Variants in PRKCH observed in about 807,000 individuals in gnomAD.
PRKCH encodes protein kinase C eta, also known as protein kinase C eta type.
Under a neutral mutation model 82.5 loss-of-function variants are expected in PRKCH, and 28 were observed. The ratio of observed to expected loss-of-function variants is 0.34; its 90% CI spans 0.25 to 0.47. The LOEUF is 0.47. PRKCH is among the 20% of genes least tolerant of loss of function. PRKCH has a pLI of 1.00. For synonymous variants in PRKCH, 322 were observed against 327.4 expected (o/e 0.98, Z 0.18); for missense variants, 705 against 881.8 (o/e 0.80, Z 2.54).
chr14:61,431,550 C>T (rs1883398023), intron 2 of PRKCH, among the ~76,000 whole-genome samples: 1 of 152,016 alleles, frequency 6.6e-6, no homozygotes, highest in South Asian at 2.1e-4. Flanking sequence ...TGCTGCAGAC[C>T]CATATGGATT....
At chr14:61,513,596 C>T (rs2042778915) in intron 10 of PRKCH, among the ~76,000 whole-genome samples, 2 of 152,020 alleles carry the variant, frequency 1.3e-5, no homozygotes, top group Non-Finnish European at 1.5e-5. Flanking sequence ...AGGACCAATA[C>T]TTTTTATAAA....
chr14:61,453,582 T>C (rs1345364984), intron 7 of PRKCH, among the ~76,000 whole-genome samples: 2 of 150,924 alleles, frequency 1.3e-5, no homozygotes, highest in East Asian at 3.9e-4. Context: ...CTTTTTTTTC[T>C]CTCTCTCTCC....
At chr14:61,393,154 A>G (rs1332931627) in intron 2 of PRKCH, among the ~76,000 whole-genome samples, 1 of 152,072 alleles carries the variant, frequency 6.6e-6, no homozygotes, top group Non-Finnish European at 1.5e-5. Flanking sequence ...ACACTGTCTC[A>G]TTACTGTTGC....
intron 1 of PRKCH, among the ~76,000 whole-genome samples, chr14:61,253,112 A>T (rs1233321621): frequency 6.6e-6 from 1 of 152,086 alleles, no homozygotes; most frequent in Non-Finnish European, 1.5e-5. Flanking sequence ...TTAAAAACCA[A>T]CCCCATAATA....
intron 9 of PRKCH, 50 bp downstream of exon 9, chr14:61,457,729 C>G (rs534027823): frequency 1.3e-6 from 2 of 1,594,046 alleles, no homozygotes; most frequent in East Asian, 2.2e-5. Context: ...TCTTACAGAG[C>G]TGAGACAGTA....
At position 61,257,829 on chromosome 14, in the gene PRKCH, A is replaced by G. The variant is rs912924952; in HGVS notation, c.-19+70161A>G. Among the ~76,000 whole-genome samples the G allele has an allele frequency of 3.9e-5, 6 of 152,238 alleles. No individual in the cohort carries two copies. In the East Asian group the frequency reaches 9.6e-4, roughly 24 times the overall value. On this transcript the variant is annotated intron_variant, in intron 1 of 3. Transcript: ENST00000555185. ...GTAAGTCATGTGAGGTGATTCAGCT[A>G]GAACGAGCACTCTTCACTCCCAGGA...
intron 12 of PRKCH, among the ~76,000 whole-genome samples, chr14:61,531,001 G>A (rs1209042140): frequency 6.6e-6 from 1 of 152,194 alleles, no homozygotes; most frequent in Non-Finnish European, 1.5e-5. Flanking sequence ...TCAAGTTGCA[G>A]GATGAAGCGG....
chr14:61,191,986 C>T (rs2044409487), intron 1 of PRKCH, among the ~76,000 whole-genome samples: 1 of 151,318 alleles, frequency 6.6e-6, no homozygotes, highest in Non-Finnish European at 1.5e-5. Context: ...ATATTCAAAG[C>T]ATATGAAGAA....
upstream of PRKCH, among the ~76,000 whole-genome samples, chr14:61,319,774 G>A (rs548073816): frequency 2.2e-4 from 33 of 152,286 alleles, no homozygotes; most frequent in Admixed American, 1.0e-3. Context: ...CCCCCTGGAC[G>A]TTTGGGAGCA....
At chr14:61,531,814 A>G (rs948876675) in intron 12 of PRKCH, among the ~76,000 whole-genome samples, 10 of 152,328 alleles carry the variant, frequency 6.6e-5, no homozygotes, top group African/African-American at 2.4e-4. Flanking sequence ...AGAACAGTTC[A>G]TTTGTTATAT....
intron 1 of PRKCH, among the ~76,000 whole-genome samples, chr14:61,238,033 G>T (rs544003457): frequency 2.0e-5 from 3 of 152,344 alleles, no homozygotes; most frequent in African/African-American, 7.2e-5. Flanking sequence ...GCAACTTGTT[G>T]CAAAGTAGTA....
intron 7 of PRKCH, among the ~76,000 whole-genome samples, chr14:61,453,820 A>AT (rs1483142291): frequency 1.3e-5 from 2 of 150,704 alleles, no homozygotes; most frequent in African/African-American, 4.9e-5. Context: ...TGTCAGGGTA[A>AT]TTTTTTATTT....
chr14:61,280,559 C>T lies in PRKCH; in HGVS notation c.-19+92891C>T, dbSNP rs758938304. On this transcript the variant is annotated intron_variant, in intron 1 of 3. Transcript: ENST00000555185. The surrounding 1 kb of genome is among the most constrained non-coding windows in gnomAD (Gnocchi z 5.0). ...TTGACGTGGTAGTCGGTCCACCAGG[C>T]GATGCCGGAGCGGTCGAGCGGCACC... The T allele has an allele frequency of 1.9e-6, 3 of 1,609,632 alleles. No individual in the cohort carries two copies. In the Middle Eastern group the frequency reaches 5.0e-4, roughly 266 times the overall value.
rs1555368618 is a variant in PRKCH at position 61,200,411 on chromosome 14, T to TGTGTG, written c.-19+12743_-19+12744insGTGTG. Among the ~76,000 whole-genome samples the TGTGTG allele has an allele frequency of 2.8e-3, 414 of 145,828 alleles. 2 individuals are homozygous for TGTGTG. Among genetic ancestry groups the TGTGTG allele is most frequent in the African/African-American group, 0.011 (395 of 37,328 alleles). ...TGAGTGTGTGTGTGTGTGTGTGTGT[T>TGTGTG]TGTGTGTTACAGGATATTATAAGAA... On this transcript the variant is annotated intron_variant, in intron 1 of 3. Transcript: ENST00000555185.
At chr14:61,373,723 C>T (rs555550596) in intron 1 of PRKCH, among the ~76,000 whole-genome samples, 2 of 152,236 alleles carry the variant, frequency 1.3e-5, no homozygotes, top group South Asian at 4.1e-4. Context: ...GCCTCAGCCT[C>T]CTGAGTAGTT....
chr14:61,549,670 T>C lies in PRKCH; in HGVS notation c.1906-15T>C, dbSNP rs756499316. ...CGCAAAAATCTCACCCTTGTTTCCC[T>C]TTTTTTTTTGGCAGAAATCCCGAGA... On this transcript the variant is annotated splice_polypyrimidine_tract_variant and intron_variant, in intron 13 of 13. Coordinates refer to ENST00000332981, the MANE Select transcript of PRKCH (RefSeq NM_006255.5). The C allele has an allele frequency of 1.7e-6, 2 of 1,160,366 alleles. No homozygotes were observed. Among genetic ancestry groups the C allele is most frequent in the African/African-American group, 1.6e-5 (1 of 62,590 alleles). 71.9% of individuals were successfully genotyped at this position (1,160,366 alleles called of 1,614,324 possible). A position where few individuals can be genotyped will look rare whatever the true frequency, so the allele number is the denominator to read the frequency against.
At chr14:61,314,507 C>T (rs950405033) in intron 1 of PRKCH, among the ~76,000 whole-genome samples, 1 of 152,170 alleles carries the variant, frequency 6.6e-6, no homozygotes, top group Non-Finnish European at 1.5e-5. Flanking sequence ...GAAGTCGTTG[C>T]TCTTGATCAC....
intron 1 of PRKCH, among the ~76,000 whole-genome samples, chr14:61,262,597 T>C (rs1297081311): frequency 6.6e-6 from 1 of 152,170 alleles, no homozygotes; most frequent in African/African-American, 2.4e-5. Flanking sequence ...ATAGTCTATA[T>C]CTTGTTTTGA....
At chr14:61,445,858 G>T (rs947013211) in intron 4 of PRKCH, 132 bp downstream of exon 4, 31 of 904,836 alleles carry the variant, frequency 3.4e-5, no homozygotes, top group Non-Finnish European at 4.9e-5. Context: ...GGAAACCCCT[G>T]TGTAGATACA....
Sources: allele counts gnomAD v4.1 joint callset (sites outside exome capture counted in the v4.1 genomes callset), GRCh38; gene constraint gnomAD v4.1.1; non-coding constraint Gnocchi (gnomAD v3.1); transcripts MANE v1.5; gene names NCBI Gene and HGNC (gene_info 2026-07-23, HGNC 2026-07-21).